CHRM3: variants seen among roughly 807,000 people sequenced by gnomAD.
CHRM3 encodes the protein muscarinic acetylcholine receptor M3.
CHRM3 carries 11 observed loss-of-function variants against 41.8 expected under a neutral mutation model. That is an observed-to-expected ratio of 0.26 (90% CI 0.17 to 0.44). The LOEUF (loss-of-function observed/expected upper bound fraction) is 0.44. Among genes scored for constraint, CHRM3 ranks in the 20% least tolerant of loss-of-function variants. CHRM3 has a pLI of 1.00. For missense variants in CHRM3, 571 were observed against 745.4 expected (o/e 0.77, Z 2.72); for synonymous variants, 297 against 301.4 (o/e 0.99, Z 0.15).
Position 239,441,587 on chromosome 1 carries a change from G to A in CHRM3, c.-520-51122G>A, listed in dbSNP as rs1663724664. Among the ~76,000 whole-genome samples the A allele has an allele frequency of 3.3e-5, 5 of 152,138 alleles. No homozygotes were observed. The East Asian group carries it at 5.8e-4, about 18-fold the overall frequency. On this transcript the variant is annotated intron_variant, in intron 1 of 6. Coordinates refer to ENST00000676153, the MANE Select transcript of CHRM3 (RefSeq NM_001375978.1). ...TGACTTTGTTCATATGTAGGAGAGG[G>A]GTGGACAAAACCAACTGTTAGCACA... is the stretch of plus-strand genomic sequence containing the variant.
At chr1:239,771,955 G>T (rs569259851) in intron 5 of CHRM3, among the ~76,000 whole-genome samples, 1 of 152,118 alleles carries the variant, frequency 6.6e-6, no homozygotes, top group Non-Finnish European at 1.5e-5. Context: ...GTTCTATCTT[G>T]GTTAAAAAGA....
At chr1:239,457,072 C>A (rs1664998123) in intron 1 of CHRM3, among the ~76,000 whole-genome samples, 1 of 152,178 alleles carries the variant, frequency 6.6e-6, no homozygotes, top group African/African-American at 2.4e-5. Flanking sequence ...CCCGGAAATC[C>A]TCAGCCAGAT....
chr1:239,664,464 G>A (rs12740506), intron 4 of CHRM3, among the ~76,000 whole-genome samples: 1 of 152,142 alleles, frequency 6.6e-6, no homozygotes, highest in African/African-American at 2.4e-5. Flanking sequence ...TCTGCAAGAT[G>A]GAGAAAACGG....
intron 4 of CHRM3, among the ~76,000 whole-genome samples, chr1:239,663,458 T>C (rs1046936143): frequency 6.6e-6 from 1 of 152,210 alleles, no homozygotes; most frequent in Non-Finnish European, 1.5e-5. Context: ...GAAGGAAATC[T>C]GGTCCCATGC....
intron 3 of CHRM3, among the ~76,000 whole-genome samples, chr1:239,627,210 G>A (rs1376132946): frequency 1.8e-5 from 2 of 113,190 alleles, no homozygotes; most frequent in African/African-American, 3.4e-5. Flanking sequence ...TAAATATTTA[G>A]GATAGTTAGC....
At chr1:239,396,130 C>T (rs1054999015) in intron 1 of CHRM3, among the ~76,000 whole-genome samples, 3 of 152,140 alleles carry the variant, frequency 2.0e-5, no homozygotes, top group African/African-American at 2.4e-5. Flanking sequence ...CCACTTGAAA[C>T]GAATTCATCT....
At chr1:239,670,042 A>AT (rs1427247223) in intron 4 of CHRM3, among the ~76,000 whole-genome samples, 1 of 152,250 alleles carries the variant, frequency 6.6e-6, no homozygotes, top group Admixed American at 6.5e-5. Context: ...CTGATATTAT[A>AT]AAATAATAAG....
At chr1:239,657,720 T>A (rs1376895555) in intron 4 of CHRM3, among the ~76,000 whole-genome samples, 1 of 152,218 alleles carries the variant, frequency 6.6e-6, no homozygotes, top group Non-Finnish European at 1.5e-5. Context: ...TGATTTGAAG[T>A]ATGGAGAGGA....
At chr1:239,617,798 T>A (rs1445621417) in intron 3 of CHRM3, among the ~76,000 whole-genome samples, 1 of 152,220 alleles carries the variant, frequency 6.6e-6, no homozygotes, top group Non-Finnish European at 1.5e-5. Flanking sequence ...GTACGTGGTG[T>A]AGAGTTCCAA....
chr1:239,896,546 TGAA>T (rs571033345), intron 6 of CHRM3, among the ~76,000 whole-genome samples: 78 of 152,218 alleles, frequency 5.1e-4, no homozygotes, highest in Non-Finnish European at 9.8e-4. Context: ...ACCTGATTCT[TGAA>T]GAGATGTGGA....
chr1:239,463,705 C>T (rs1327483799), intron 1 of CHRM3, among the ~76,000 whole-genome samples: 1 of 152,076 alleles, frequency 6.6e-6, no homozygotes, highest in African/African-American at 2.4e-5. Flanking sequence ...TCTTCTAATA[C>T]ATTTTTAATT....
At chr1:239,797,687 G>A (rs181834062) in intron 5 of CHRM3, among the ~76,000 whole-genome samples, 1 of 152,246 alleles carries the variant, frequency 6.6e-6, no homozygotes, top group Admixed American at 6.5e-5. Context: ...GAGGTAACCA[G>A]GGCATATTTA....
At chr1:239,471,932 C>T (rs1273677725) in intron 1 of CHRM3, among the ~76,000 whole-genome samples, 1 of 152,292 alleles carries the variant, frequency 6.6e-6, no homozygotes, top group East Asian at 1.9e-4. Context: ...AGGTTATTAT[C>T]CACGTGCTGG....
At chr1:239,603,132 C>T (rs1297438360) in intron 3 of CHRM3, among the ~76,000 whole-genome samples, 2 of 152,114 alleles carry the variant, frequency 1.3e-5, no homozygotes, top group Admixed American at 6.5e-5. Context: ...GTGACCAGCT[C>T]ATTTTCACTT....
intron 5 of CHRM3, among the ~76,000 whole-genome samples, chr1:239,808,946 G>T (rs1417686565): frequency 6.6e-6 from 1 of 151,548 alleles, no homozygotes; most frequent in Admixed American, 6.6e-5. Context: ...TTTACAAAAG[G>T]AAGAAATGAA....
At chr1:239,814,217 T>C (rs1671385015) in intron 5 of CHRM3, among the ~76,000 whole-genome samples, 1 of 152,140 alleles carries the variant, frequency 6.6e-6, no homozygotes, top group South Asian at 2.1e-4. Context: ...TCTCCCTCTC[T>C]TTGTTTCTCT....
At chr1:239,540,024 TA>T (rs1658600452) in intron 2 of CHRM3, among the ~76,000 whole-genome samples, 1 of 152,166 alleles carries the variant, frequency 6.6e-6, no homozygotes, top group Non-Finnish European at 1.5e-5. Flanking sequence ...ATGTGCTGTA[TA>T]GAAAGCCTAG....
chr1:239,660,838 G>A (rs572120657), intron 4 of CHRM3, among the ~76,000 whole-genome samples: 1 of 152,288 alleles, frequency 6.6e-6, no homozygotes, highest in Admixed American at 6.5e-5. Context: ...TCAAGATCGT[G>A]CCACCACACT....
At chr1:239,794,803 C>A (rs898288884) in intron 5 of CHRM3, among the ~76,000 whole-genome samples, 1 of 152,168 alleles carries the variant, frequency 6.6e-6, no homozygotes, top group African/African-American at 2.4e-5. Flanking sequence ...CTCCATCCAA[C>A]CATTTCTCTG....
Sources: gnomAD v4.1 joint callset for allele counts (sites outside exome capture counted in the v4.1 genomes callset) on GRCh38, gnomAD v4.1.1 for gene constraint, MANE v1.5 for transcripts, NCBI Gene and HGNC (gene_info 2026-07-23, HGNC 2026-07-21) for gene names.